The following OSBPL9 variants were observed in gnomAD, a reference collection of about 807,000 sequenced individuals.
The protein encoded by OSBPL9 is oxysterol-binding protein-related protein 9.
A neutral mutation model predicts 106.6 loss-of-function variants in OSBPL9; 40 were observed. The observed-to-expected ratio is 0.38, with a 90% CI of 0.29 to 0.49. The LOEUF is 0.49. Among genes scored for constraint, OSBPL9 ranks in the 20% least tolerant of loss-of-function variants. The pLI is 0.97. For missense variants in OSBPL9, 609 were observed against 887.2 expected, an observed-to-expected ratio of 0.69 and a Z score of 3.98; for synonymous variants, 269 against 295.4, an observed-to-expected ratio of 0.91 and a Z score of 0.92.
At chr1:51,540,047 C>G in the OSBPL9 span, among the ~76,000 whole-genome samples, 1 of 152,174 alleles carries the variant, frequency 6.6e-6, no homozygotes, top group African/African-American at 2.4e-5. Flanking sequence ...CCTTAAACAT[C>G]CTCTATCTCA....
the OSBPL9 span, among the ~76,000 whole-genome samples, chr1:51,521,430 G>A: frequency 9.8e-5 from 15 of 152,298 alleles, no homozygotes; most frequent in East Asian, 1.9e-3. Flanking sequence ...TGTAGTTTCC[G>A]GAAAGGCAGT....
Position 51,769,560 on chromosome 1 carries a change from G to A in OSBPL9, c.939-2510G>A, listed in dbSNP as rs145008212. On this transcript the variant is annotated intron_variant, in intron 12 of 23. Coordinates refer to ENST00000428468, the MANE Select transcript of OSBPL9 (RefSeq NM_024586.6). ...CGTGTATGGTGCATACAAGGTACTC[G>A]ATAAATTATTATTATAATTCATAGC... is the stretch of plus-strand genomic sequence containing the variant. 1.3e-3 allele frequency among the ~76,000 whole-genome samples: 194 copies of A among 152,274 alleles called. 7 individuals are homozygous for A. In the East Asian group the frequency reaches 0.036, roughly 28 times the overall value.
At chr1:51,530,119 T>C in the OSBPL9 span, among the ~76,000 whole-genome samples, 6 of 128,880 alleles carry the variant, frequency 4.7e-5, no homozygotes, top group African/African-American at 1.5e-4. Context: ...TGCAGTGAGC[T>C]GAGATCGTGC....
chr1:51,654,587 TATAGCATTATTTGCAATATTC>T (rs1265970553), intron 2 of OSBPL9, among the ~76,000 whole-genome samples: 23 of 152,308 alleles, frequency 1.5e-4, no homozygotes, highest in African/African-American at 5.1e-4. Context: ...AACATGGATA[TATAGCATTATTTGCAATATTC>T]ATAGCATTAT....
intron 4 of OSBPL9, among the ~76,000 whole-genome samples, chr1:51,715,144 G>A (rs1290304045): frequency 6.6e-6 from 1 of 152,110 alleles, no homozygotes. Flanking sequence ...GATTAGATAA[G>A]GTGACATAGG....
At chr1:51,658,557 C>G (rs942845174) in intron 2 of OSBPL9, among the ~76,000 whole-genome samples, 1 of 152,158 alleles carries the variant, frequency 6.6e-6, no homozygotes, top group East Asian at 1.9e-4. Flanking sequence ...TTTACTCCAT[C>G]CAGTGAAACT....
intron 4 of OSBPL9, among the ~76,000 whole-genome samples, chr1:51,731,546 G>A (rs1463594115): frequency 1.3e-5 from 2 of 152,158 alleles, no homozygotes; most frequent in Non-Finnish European, 2.9e-5. Context: ...GGAGGCCGAG[G>A]CGGCCGGATC....
At chr1:51,626,124 A>G (rs1644749968) in intron 1 of OSBPL9, among the ~76,000 whole-genome samples, 1 of 152,202 alleles carries the variant, frequency 6.6e-6, no homozygotes, top group Non-Finnish European at 1.5e-5. Flanking sequence ...TCTGGCAGCT[A>G]TCTTTTGTCT....
At chr1:51,732,876 G>C (rs1664774103) in intron 4 of OSBPL9, among the ~76,000 whole-genome samples, 1 of 152,152 alleles carries the variant, frequency 6.6e-6, no homozygotes, top group African/African-American at 2.4e-5. Flanking sequence ...ATTTATCTCT[G>C]AGTCCAGACT....
chr1:51,523,417 T>A, the OSBPL9 span, among the ~76,000 whole-genome samples: 1 of 152,068 alleles, frequency 6.6e-6, no homozygotes, highest in Non-Finnish European at 1.5e-5. Context: ...AAATTGCTGC[T>A]TTAATGTGCA....
At chr1:51,738,165 G>A (rs528849871) in intron 4 of OSBPL9, among the ~76,000 whole-genome samples, 73 of 152,102 alleles carry the variant, frequency 4.8e-4, no homozygotes, top group African/African-American at 1.7e-3. Flanking sequence ...TTATTGTTTA[G>A]TTGTATAAGT....
chr1:51,529,830 T>C, the OSBPL9 span, among the ~76,000 whole-genome samples: 2 of 150,758 alleles, frequency 1.3e-5, no homozygotes, highest in South Asian at 4.2e-4. Context: ...GACATAAATG[T>C]AAAACTGTAA....
chr1:51,730,120 C>G, intron 4 of OSBPL9: 1 of 1,249,112 alleles, frequency 8.0e-7, no homozygotes, highest in East Asian at 3.1e-5. Flanking sequence ...CCGCCGCCCC[C>G]TGGGGTGAGT....
chr1:51,752,573 T>C, intron 8 of OSBPL9: 2 of 455,372 alleles, frequency 4.4e-6, no homozygotes, highest in Admixed American at 2.4e-5. Context: ...CATAACAAAA[T>C]ACCATAGACT....
intron 3 of OSBPL9, among the ~76,000 whole-genome samples, chr1:51,673,766 G>A (rs957099882): frequency 1.3e-5 from 2 of 152,178 alleles, no homozygotes; most frequent in Non-Finnish European, 2.9e-5. Flanking sequence ...CTATTCAGGA[G>A]GCTGAGGCCA....
chr1:51,578,418 G>T (rs1645199066), intron 1 of OSBPL9, among the ~76,000 whole-genome samples: 1 of 152,294 alleles, frequency 6.6e-6, no homozygotes, highest in East Asian at 1.9e-4. Context: ...TTTTTGTTAG[G>T]AGAATAATAT....
At chr1:51,648,678 G>A (rs1646319278) in intron 1 of OSBPL9, among the ~76,000 whole-genome samples, 1 of 152,186 alleles carries the variant, frequency 6.6e-6, no homozygotes, top group African/African-American at 2.4e-5. Flanking sequence ...CTGGGAGAAT[G>A]ATTTGCCGGA....
chr1:51,628,049 C>T (rs183241555), intron 1 of OSBPL9, among the ~76,000 whole-genome samples: 80 of 150,582 alleles, frequency 5.3e-4, no homozygotes, highest in African/African-American at 1.9e-3. Context: ...TAATGAAGGC[C>T]TACTCTCAAT....
intron 1 of OSBPL9, among the ~76,000 whole-genome samples, chr1:51,580,950 ATATAAC>A (rs1645218290): frequency 1.4e-3 from 2 of 1,404 alleles, no homozygotes; most frequent in South Asian, 0.017. Flanking sequence ...ATATATATAT[ATATAAC>A]TTTTTTGAAA....
Sources: gnomAD v4.1 joint callset for allele counts (sites outside exome capture counted in the v4.1 genomes callset) on GRCh38, gnomAD v4.1.1 for gene constraint, MANE v1.5 for transcripts, NCBI Gene and HGNC (gene_info 2026-07-23, HGNC 2026-07-21) for gene names.